SLC9C1: variants seen among roughly 807,000 people sequenced by gnomAD.
SLC9C1 encodes solute carrier family 9 member C1.
A neutral mutation model predicts 140.9 loss-of-function variants in SLC9C1; 97 were observed. The observed-to-expected ratio is 0.69, with a 90% confidence interval of 0.58 to 0.82. SLC9C1 has a LOEUF of 0.82. Among genes scored for constraint, SLC9C1 ranks in the 40% least tolerant of loss-of-function variants. SLC9C1 has a pLI of 0.00. For synonymous variants in SLC9C1, 440 were observed against 442.6 expected, an observed-to-expected ratio of 0.99 and a Z score of 0.07; for missense variants, 1,340 against 1,389.3, an observed-to-expected ratio of 0.96 and a Z score of 0.56.
At chr3:112,193,204 T>C (rs2077700339) in intron 20 of SLC9C1, among the ~76,000 whole-genome samples, 1 of 152,108 alleles carries the variant, frequency 6.6e-6, no homozygotes, top group Non-Finnish European at 1.5e-5. Context: ...GCCTCTCAAG[T>C]TGGGGGCACA....
rs200437815 is a variant in SLC9C1 at position 112,183,349 on chromosome 3, C to CTT, written c.2524-1093_2524-1092dup. Among the ~76,000 whole-genome samples the CTT allele has an allele frequency of 2.4e-4, 23 of 95,394 alleles. 3 individuals are homozygous for CTT. Among genetic ancestry groups the CTT allele is most frequent in the African/African-American group, 6.4e-4 (13 of 20,386 alleles). 62.6% of individuals were successfully genotyped at this position (95,394 alleles called of 152,430 possible). ...ACGACAATGATATTTAGCACCTTTT[C>CTT]TTTTTTTTTTTTTTTTTTTTTCAGC... On this transcript the variant is annotated intron_variant, in intron 20 of 28. Coordinates refer to ENST00000305815, the MANE Select transcript of SLC9C1 (RefSeq NM_183061.3).
chr3:112,264,356 G>A lies in SLC9C1; in HGVS notation c.879-13C>T, dbSNP rs2108297471. ...AAAAGTCCAGAATCTGCATCATTCA[G>A]AAAAAATTAAAAATATTTATAATTA... On this transcript the variant is annotated splice_polypyrimidine_tract_variant and intron_variant, in intron 8 of 28. Coordinates refer to ENST00000305815, the MANE Select transcript of SLC9C1 (RefSeq NM_183061.3). The A allele has an allele frequency of 7.4e-7, 1 of 1,356,410 alleles. No individual in the cohort carries two copies. Among genetic ancestry groups the A allele is most frequent in the Non-Finnish European group, 9.6e-7 (1 of 1,039,734 alleles). The allele number at this position is 1,356,410 out of a possible 1,614,324, so 84.0% of individuals were successfully genotyped here.
In SLC9C1 at chr3:112,141,211, C is replaced by A; in HGVS notation, c.*61G>T. 6.7e-7 allele frequency: 1 copy of A among 1,488,678 alleles called. No homozygotes were observed. Among genetic ancestry groups the A allele is most frequent in the Non-Finnish European group, 9.0e-7 (1 of 1,114,558 alleles). 92.2% of individuals were successfully genotyped at this position (1,488,678 alleles called of 1,614,324 possible). On this transcript the variant is annotated 3_prime_UTR_variant, in exon 29 of 29. Coordinates refer to ENST00000305815, the MANE Select transcript of SLC9C1 (RefSeq NM_183061.3). ...CTTCTTGATGTAGGGAAGTGTGTTTCTGCAGCAGGAGGCCTCTCATAGCCA... is the reference window on the plus strand; with the variant it reads ...CTTCTTGATGTAGGGAAGTGTGTTTATGCAGCAGGAGGCCTCTCATAGCCA...
intron 26 of SLC9C1, among the ~76,000 whole-genome samples, chr3:112,166,767 C>T (rs1208222496): frequency 6.6e-6 from 1 of 151,634 alleles, no homozygotes; most frequent in Non-Finnish European, 1.5e-5. Context: ...CAAATTTTAA[C>T]CATGGTCTTA....
At chr3:112,265,973 A>G (rs553278865) in intron 8 of SLC9C1, among the ~76,000 whole-genome samples, 1 of 152,274 alleles carries the variant, frequency 6.6e-6, no homozygotes, top group East Asian at 1.9e-4. Context: ...TTATATGGGA[A>G]ATTATTGAGG....
chr3:112,212,635 G>A (rs1449808689), intron 15 of SLC9C1, among the ~76,000 whole-genome samples: 2 of 152,240 alleles, frequency 1.3e-5, no homozygotes, highest in Middle Eastern at 3.4e-3. Context: ...ATGAAATGAA[G>A]CAAGAAGAGA....
At chr3:112,287,989 G>T (rs1191492313) in intron 1 of SLC9C1, among the ~76,000 whole-genome samples, 1 of 132,656 alleles carries the variant, frequency 7.5e-6, no homozygotes, top group Admixed American at 9.1e-5. Flanking sequence ...CTTGCAGTGA[G>T]CCGAGATCGT....
At chr3:112,251,241 G>C (rs1323502841) in intron 10 of SLC9C1, among the ~76,000 whole-genome samples, 1 of 151,986 alleles carries the variant, frequency 6.6e-6, no homozygotes, top group Non-Finnish European at 1.5e-5. Flanking sequence ...GGAAAATCAA[G>C]GCAGGATGAC....
intron 23 of SLC9C1, among the ~76,000 whole-genome samples, chr3:112,170,243 G>A (rs2077221442): frequency 6.6e-6 from 1 of 152,152 alleles, no homozygotes; most frequent in Admixed American, 6.5e-5. Flanking sequence ...CCTGCAGAAT[G>A]GGAGAATATA....
chr3:112,149,511 C>G (rs1189763366), intron 28 of SLC9C1, among the ~76,000 whole-genome samples: 1 of 151,926 alleles, frequency 6.6e-6, no homozygotes, highest in African/African-American at 2.4e-5. Flanking sequence ...TGGGGTGGCT[C>G]AGGCTCTTGA....
chr3:112,167,881 A>C (rs912398201), intron 25 of SLC9C1, among the ~76,000 whole-genome samples: 1 of 152,120 alleles, frequency 6.6e-6, no homozygotes, highest in South Asian at 2.1e-4. Flanking sequence ...CACCCACACC[A>C]AATCTCTGTT....
chr3:112,197,277 T>G (rs538266813), intron 20 of SLC9C1, among the ~76,000 whole-genome samples: 98 of 152,262 alleles, frequency 6.4e-4, no homozygotes, highest in African/African-American at 2.2e-3. Flanking sequence ...AAAAAAAGTG[T>G]TGGCCCTTTA....
chr3:112,167,383 A>C, intron 25 of SLC9C1, 36 bp from the exon 26 acceptor site: 1 of 1,540,002 alleles, frequency 6.5e-7, no homozygotes, highest in Non-Finnish European at 8.7e-7. Flanking sequence ...ATTTCTGAGC[A>C]AATATCCTAC....
At position 112,243,848 on chromosome 3, in the gene SLC9C1, G is replaced by A. The variant is rs763622314; in HGVS notation, c.1279+147C>T. On this transcript the variant is annotated intron_variant, in intron 11 of 28. Coordinates refer to ENST00000305815, the MANE Select transcript of SLC9C1 (RefSeq NM_183061.3). The stretch of plus-strand genomic sequence containing the variant: ...TAGGACAACAGGTGTGCACTGCCAC[G>A]CCTGGCTAATTTTTAAACTTTTTGT... The A allele has an allele frequency of 2.7e-5, 13 of 484,876 alleles. 1 individual carries two copies. Among genetic ancestry groups the A allele is most frequent in the South Asian group, 4.3e-5 (1 of 23,370 alleles). 30.0% of individuals were successfully genotyped at this position (484,876 alleles called of 1,614,324 possible). A position where few individuals can be genotyped will look rare whatever the true frequency, so the allele number is the denominator to read the frequency against.
intron 23 of SLC9C1, among the ~76,000 whole-genome samples, chr3:112,177,711 A>T (rs140118126): frequency 0.02 from 2,920 of 148,208 alleles, 51 homozygotes; most frequent in Non-Finnish European, 0.029. Flanking sequence ...GGATGAAAAA[A>T]ATTTTTTTTC....
intron 14 of SLC9C1, among the ~76,000 whole-genome samples, chr3:112,219,326 C>T (rs2078475423): frequency 3.2e-5 from 2 of 63,296 alleles, no homozygotes; most frequent in Admixed American, 4.4e-4. Flanking sequence ...TGAATATAAG[C>T]ACATCAATAG....
At chr3:112,141,399 T>C in intron 28 of SLC9C1, 118 bp from the exon 29 acceptor site, 1 of 1,000,004 alleles carries the variant, frequency 1.0e-6, no homozygotes, top group Non-Finnish European at 1.4e-6. Context: ...AAGACACACT[T>C]GGTCATTTTT....
intron 20 of SLC9C1, among the ~76,000 whole-genome samples, chr3:112,197,117 G>C (rs1370151001): frequency 6.6e-6 from 1 of 152,034 alleles, no homozygotes; most frequent in Non-Finnish European, 1.5e-5. Context: ...GGCATTGTCA[G>C]GGTTTTATTT....
chr3:112,237,499 A>G (rs903231427), intron 12 of SLC9C1, among the ~76,000 whole-genome samples: 1 of 152,134 alleles, frequency 6.6e-6, no homozygotes, highest in Non-Finnish European at 1.5e-5. Context: ...TCCTGTCATT[A>G]TGATGTTAGC....
Sources: allele counts gnomAD v4.1 joint callset (sites outside exome capture counted in the v4.1 genomes callset), GRCh38; gene constraint gnomAD v4.1.1; transcripts MANE v1.5; gene names NCBI Gene and HGNC (gene_info 2026-07-23, HGNC 2026-07-21).